The following CSNK1G1 variants were observed in gnomAD, a reference collection of about 807,000 sequenced individuals.
The protein encoded by CSNK1G1 is casein kinase 1 gamma 1.
Under a neutral mutation model 59.6 loss-of-function variants are expected in CSNK1G1, and 22 were observed. That is an observed-to-expected ratio of 0.37 (90% CI 0.26 to 0.53). The LOEUF (loss-of-function observed/expected upper bound fraction) is 0.53. Ranked by LOEUF, CSNK1G1 falls within the 20% of genes least tolerant of loss-of-function variation. The pLI is 0.89. For missense variants in CSNK1G1, 384 were observed against 519.5 expected (o/e 0.74, Z 2.54); for synonymous variants, 179 against 177.1 (o/e 1.01, Z -0.08).
chr15:64,205,245 A>G (rs955044936), intron 7 of CSNK1G1, among the ~76,000 whole-genome samples: 4 of 152,156 alleles, frequency 2.6e-5, no homozygotes, highest in Non-Finnish European at 4.4e-5. Flanking sequence ...TATGTGGCCA[A>G]TATTTTCAAA....
At chr15:64,211,180 T>C (rs906200295) in intron 6 of CSNK1G1, among the ~76,000 whole-genome samples, 3 of 152,352 alleles carry the variant, frequency 2.0e-5, no homozygotes, top group East Asian at 3.9e-4. Context: ...TGGCAACTAA[T>C]GCAAGGTTTA....
chr15:64,269,586 C>T (rs182383903), intron 2 of CSNK1G1, among the ~76,000 whole-genome samples: 1,706 of 151,392 alleles, frequency 0.011, 10 homozygotes, highest in Middle Eastern at 0.027. Flanking sequence ...CTCTGCCTCC[C>T]GGGTTCAAGC....
At chr15:64,189,377 A>G (rs1271116817) in intron 10 of CSNK1G1, 1 of 1,264,644 alleles carries the variant, frequency 7.9e-7, no homozygotes, top group Admixed American at 2.5e-5. Flanking sequence ...GATCTTGCTC[A>G]TATGTGACTT....
chr15:64,292,690 C>T (rs1474560343), intron 2 of CSNK1G1, among the ~76,000 whole-genome samples: 2 of 152,056 alleles, frequency 1.3e-5, no homozygotes, highest in Non-Finnish European at 2.9e-5. Flanking sequence ...TTTGGGAGGC[C>T]GAGGTGGCTG....
At chr15:64,191,177 T>C (rs2081965526) in intron 10 of CSNK1G1, among the ~76,000 whole-genome samples, 1 of 152,206 alleles carries the variant, frequency 6.6e-6, no homozygotes, top group African/African-American at 2.4e-5. Context: ...TTCTCCTGCC[T>C]CAGCCTCCCG....
intron 10 of CSNK1G1, among the ~76,000 whole-genome samples, chr15:64,201,506 T>G (rs1393780533): frequency 6.6e-6 from 1 of 152,148 alleles, no homozygotes; most frequent in Admixed American, 6.5e-5. Flanking sequence ...CTTTAAAGGA[T>G]GTGACTATGG....
chr15:64,289,108 A>G (rs1894590667), intron 2 of CSNK1G1, among the ~76,000 whole-genome samples: 1 of 151,394 alleles, frequency 6.6e-6, no homozygotes, highest in African/African-American at 2.4e-5. Flanking sequence ...TGAACCCAGG[A>G]GATGAAGGCT....
At chr15:64,304,310 G>A (rs1335592873) in intron 1 of CSNK1G1, among the ~76,000 whole-genome samples, 1 of 150,628 alleles carries the variant, frequency 6.6e-6, no homozygotes, top group African/African-American at 2.5e-5. Context: ...TTGAACCTGG[G>A]AGGCGGAGGG....
chr15:64,277,831 T>C (rs1893800672), intron 2 of CSNK1G1, among the ~76,000 whole-genome samples: 1 of 134,150 alleles, frequency 7.5e-6, no homozygotes, highest in South Asian at 2.2e-4. Context: ...TATTTAATAA[T>C]AATATTGATA....
At chr15:64,256,203 C>A (rs2140325753) in intron 3 of CSNK1G1, among the ~76,000 whole-genome samples, 1 of 152,278 alleles carries the variant, frequency 6.6e-6, no homozygotes, top group South Asian at 2.1e-4. Context: ...TCGATCAAAA[C>A]ACTAGAAAAG....
chr15:64,343,208 A>AACACACACACACGCACACACACACAC (rs1897765642), intron 1 of CSNK1G1, among the ~76,000 whole-genome samples: 1 of 109,956 alleles, frequency 9.1e-6, no homozygotes, highest in Admixed American at 9.9e-5. Flanking sequence ...GCAAAACTCC[A>AACACACACACACGCACACACACACAC]ACACACACAC....
At chr15:64,201,335 G>A in intron 10 of CSNK1G1, among the ~76,000 whole-genome samples, 1 of 150,880 alleles carries the variant, frequency 6.6e-6, no homozygotes, top group East Asian at 1.9e-4. Flanking sequence ...TAGAGAATTT[G>A]TACAATTCGT....
intron 2 of CSNK1G1, among the ~76,000 whole-genome samples, chr15:64,270,782 T>G (rs1159896424): frequency 6.6e-6 from 1 of 150,996 alleles, no homozygotes; most frequent in Non-Finnish European, 1.5e-5. Flanking sequence ...AAACACTACC[T>G]GAGCTGTGTC....
intron 1 of CSNK1G1, among the ~76,000 whole-genome samples, chr15:64,353,595 C>T (rs1018332632): frequency 4.0e-5 from 6 of 149,300 alleles, no homozygotes; most frequent in African/African-American, 1.2e-4. Flanking sequence ...TTCAGTGAGC[C>T]GAGATCGTGC....
intron 1 of CSNK1G1, among the ~76,000 whole-genome samples, chr15:64,338,497 C>T (rs982824046): frequency 2.0e-5 from 3 of 151,766 alleles, no homozygotes; most frequent in South Asian, 2.1e-4. Context: ...GTCAGGAGTT[C>T]GAGACTAGCC....
chr15:64,208,507 T>G (rs2082211185), intron 6 of CSNK1G1, among the ~76,000 whole-genome samples: 1 of 152,252 alleles, frequency 6.6e-6, no homozygotes, highest in South Asian at 2.1e-4. Flanking sequence ...CTTTGATTGT[T>G]AGAATCTAAG....
chr15:64,260,667 GGT>G (rs1175999028), intron 2 of CSNK1G1, among the ~76,000 whole-genome samples: 1 of 152,052 alleles, frequency 6.6e-6, no homozygotes, highest in African/African-American at 2.4e-5. Context: ...GAACCCAGGA[GGT>G]GTAGGCTACA....
At chr15:64,303,385 T>G (rs962419820) in intron 1 of CSNK1G1, among the ~76,000 whole-genome samples, 6 of 146,312 alleles carry the variant, frequency 4.1e-5, no homozygotes, top group Admixed American at 2.0e-4. Context: ...GAGGCCAAGG[T>G]AGAAGGACTA....
intron 1 of CSNK1G1, chr15:64,335,728 TCAA>T (rs1473023403): frequency 6.6e-6 from 1 of 152,218 alleles, no homozygotes; most frequent in Non-Finnish European, 1.5e-5. Context: ...AATTAGAATT[TCAA>T]CCTTTTCTGT....
Sources: allele counts gnomAD v4.1 joint callset (sites outside exome capture counted in the v4.1 genomes callset), GRCh38; gene constraint gnomAD v4.1.1; transcripts MANE v1.5; gene names NCBI Gene and HGNC (gene_info 2026-07-23, HGNC 2026-07-21).